The following RUFY2 variants were observed in gnomAD, a reference collection of about 807,000 sequenced individuals.
RUFY2 encodes RUN and FYVE domain-containing protein 2.
A neutral mutation model predicts 94.4 loss-of-function variants in RUFY2; 49 were observed. The ratio of observed to expected loss-of-function variants is 0.52; its 90% CI spans 0.41 to 0.66. RUFY2 has a LOEUF of 0.66. Among genes scored for constraint, RUFY2 ranks in the 30% least tolerant of loss-of-function variants. The pLI, the probability that RUFY2 is intolerant of heterozygous loss-of-function variation, is 0.00. For missense variants in RUFY2, 541 were observed against 692.8 expected (o/e 0.78, Z 2.46); for synonymous variants, 255 against 235.7 (o/e 1.08, Z -0.75).
chr10:68,362,782 GAA>G (rs952440869), intron 15 of RUFY2, among the ~76,000 whole-genome samples: 1 of 138,434 alleles, frequency 7.2e-6, no homozygotes, highest in African/African-American at 2.6e-5. Context: ...CCCTGTCTTT[GAA>G]AAAAAAAAAA....
downstream of RUFY2, chr10:68,341,930 T>C: frequency 6.2e-7 from 1 of 1,600,958 alleles, no homozygotes; most frequent in Non-Finnish European, 8.6e-7. Flanking sequence ...TTTTATTATT[T>C]TATGCAGATA....
intron 10 of RUFY2, 30 bp downstream of exon 10, chr10:68,383,768 C>G: frequency 4.2e-6 from 6 of 1,417,224 alleles, no homozygotes; most frequent in Non-Finnish European, 6.0e-6. Flanking sequence ...CCAGGATGAT[C>G]TTGCTAATGT....
intron 1 of RUFY2, among the ~76,000 whole-genome samples, chr10:68,406,359 T>C (rs889478304): frequency 1.8e-4 from 27 of 152,188 alleles, no homozygotes; most frequent in Non-Finnish European, 4.0e-4. Flanking sequence ...CATCGTGGTC[T>C]GACTCCCACT....
Position 68,371,171 on chromosome 10 carries a change from C to T in RUFY2, c.1325+5682G>A, listed in dbSNP as rs1458307146. ...AAAAAGCCAGGAGTGGTGGCTCACA[C>T]CTGTAATCCCATCACTTCGGGAGGC... On this transcript the variant is annotated intron_variant, in intron 13 of 17. Coordinates refer to ENST00000602465, the MANE Select transcript of RUFY2 (RefSeq NM_001330103.2). Among the ~76,000 whole-genome samples the T allele has an allele frequency of 3.3e-5, 5 of 149,966 alleles. No individual in the cohort carries two copies. The East Asian group carries it at 7.8e-4, about 23-fold the overall frequency.
chr10:68,341,405 G>A (rs2045928101), downstream of RUFY2: 3 of 1,355,326 alleles, frequency 2.2e-6, no homozygotes, highest in Middle Eastern at 3.9e-4. Context: ...GCAGTTGTTG[G>A]GATTTAAAAC....
At chr10:68,362,082 T>C (rs2047494246) in intron 15 of RUFY2, among the ~76,000 whole-genome samples, 1 of 152,166 alleles carries the variant, frequency 6.6e-6, no homozygotes, top group South Asian at 2.1e-4. Context: ...CTCAGCACTT[T>C]GGGAGGCTGA....
Position 68,345,465 on chromosome 10 carries a change from AAAAC to A in RUFY2, c.*299_*302del, listed in dbSNP as rs767595376. 1.0e-4 allele frequency: 42 copies of A among 404,060 alleles called. No homozygotes were observed. Among genetic ancestry groups the A allele is most frequent in the Admixed American group, 3.0e-4 (7 of 23,260 alleles). The allele number at this position is 404,060 out of a possible 1,614,324, so 25.0% of individuals were successfully genotyped here. On this transcript the variant is annotated 3_prime_UTR_variant, in exon 18 of 18. Coordinates refer to ENST00000602465, the MANE Select transcript of RUFY2 (RefSeq NM_001330103.2). ...CCAAATTGACAGAATTCAGAAGAAAAAAACAATCTGAAGCCTTATTTTTAAGGCC... is the reference window on the plus strand; with the variant it reads ...CCAAATTGACAGAATTCAGAAGAAAAAATCTGAAGCCTTATTTTTAAGGCC...
chr10:68,374,054 C>G (rs2048450304), intron 13 of RUFY2, among the ~76,000 whole-genome samples: 1 of 141,260 alleles, frequency 7.1e-6, no homozygotes, highest in African/African-American at 2.6e-5. Context: ...GAGATCAAGG[C>G]TGCAGTGAGC....
At chr10:68,352,468 G>A (rs1422782807) in intron 16 of RUFY2, among the ~76,000 whole-genome samples, 1 of 152,186 alleles carries the variant, frequency 6.6e-6, no homozygotes, top group Non-Finnish European at 1.5e-5. Context: ...ATGAGCAGGA[G>A]AGCAGAGAAC....
At chr10:68,376,340 T>C (rs1271736249) in intron 13 of RUFY2, among the ~76,000 whole-genome samples, 3 of 147,690 alleles carry the variant, frequency 2.0e-5, no homozygotes, top group East Asian at 4.0e-4. Flanking sequence ...GGCAGGAGAA[T>C]CGCTTGAACC....
At chr10:68,349,625 G>A (rs966389529) in intron 16 of RUFY2, among the ~76,000 whole-genome samples, 6 of 151,708 alleles carry the variant, frequency 4.0e-5, no homozygotes, top group African/African-American at 9.7e-5. Context: ...TGCAAGCTCC[G>A]CCTCCCGGGT....
intron 3 of RUFY2, among the ~76,000 whole-genome samples, chr10:68,400,755 G>A (rs1007180920): frequency 1.4e-4 from 21 of 151,862 alleles, no homozygotes; most frequent in African/African-American, 4.6e-4. Flanking sequence ...GCTCACGCCT[G>A]TAATCCCAGC....
chr10:68,374,426 G>A (rs929378802), intron 13 of RUFY2, among the ~76,000 whole-genome samples: 11 of 151,896 alleles, frequency 7.2e-5, no homozygotes, highest in African/African-American at 2.4e-4. Context: ...AGACAAAGAA[G>A]TACATCATAT....
In RUFY2 at chr10:68,345,870, G is replaced by A. The variant is rs748943798; in HGVS notation, c.1719C>T (p.Cys573=). 1.3e-5 allele frequency: 21 copies of A among 1,614,008 alleles called. No individual in the cohort carries two copies. The highest frequency in any genetic ancestry group is 1.8e-5 in the Non-Finnish European group (21 of 1,180,006). The stretch of plus-strand genomic sequence containing the variant: ...AAGGCAAAGGTAGTTCGTTGTCAGA[G>A]CAGGCATTACAGAAAATTTCCCCAC... ...RNCGEIFCNA[C]SDNELPLPSS... Residue 573 remains cysteine, a synonymous_variant, in exon 18 of 18, where the codon TGC becomes TGT. Transcript: ENST00000602465.
chr10:68,381,204 TA>T, intron 11 of RUFY2, 27 bp downstream of exon 11: 2 of 1,534,120 alleles, frequency 1.3e-6, no homozygotes, highest in Non-Finnish European at 1.8e-6. Flanking sequence ...TCAATTTACA[TA>T]AAATGAAATT....
intron 13 of RUFY2, among the ~76,000 whole-genome samples, chr10:68,374,114 CAAAAAAAAAAA>C (rs34041522): frequency 5.1e-5 from 3 of 59,340 alleles, no homozygotes; most frequent in Admixed American, 2.6e-4. Context: ...GATCCTGTCC[CAAAAAAAAAAA>C]AAAAAAAAAA....
chr10:68,349,422 AG>A (rs76282461), intron 16 of RUFY2, among the ~76,000 whole-genome samples: 16,472 of 151,910 alleles, frequency 0.11, 1,113 homozygotes, highest in South Asian at 0.24. Flanking sequence ...CAGGAGGCTG[AG>A]GGGGGGAGGA....
At chr10:68,361,588 A>G (rs1231134320) in intron 15 of RUFY2, among the ~76,000 whole-genome samples, 1 of 152,226 alleles carries the variant, frequency 6.6e-6, no homozygotes, top group Non-Finnish European at 1.5e-5. Flanking sequence ...TGCTTATCAG[A>G]ACCACAATGC....
chr10:68,378,266 A>G (rs951473640), intron 12 of RUFY2: 31 of 1,085,256 alleles, frequency 2.9e-5, no homozygotes, highest in Admixed American at 1.5e-4. Context: ...AACAATCTTT[A>G]TATTTTTCAT....
Sources: gnomAD v4.1 joint callset for allele counts (sites outside exome capture counted in the v4.1 genomes callset) on GRCh38, gnomAD v4.1.1 for gene constraint, MANE v1.5 for transcripts, NCBI Gene and HGNC (gene_info 2026-07-23, HGNC 2026-07-21) for gene names.